ZBTB7C: variants seen among roughly 807,000 people sequenced by gnomAD.
The protein encoded by ZBTB7C is zinc finger and BTB domain-containing protein 7C.
A neutral mutation model predicts 25.7 loss-of-function variants in ZBTB7C; 8 were observed. The ratio of observed to expected loss-of-function variants is 0.31; its 90% CI spans 0.18 to 0.56. The LOEUF (loss-of-function observed/expected upper bound fraction) is 0.56. ZBTB7C is among the 20% of genes least tolerant of loss of function. The probability of loss-of-function intolerance (pLI) is 0.91; values close to 1 mark genes in which losing one functional copy is unlikely to be tolerated. For missense variants in ZBTB7C, 824 were observed against 855.2 expected, an observed-to-expected ratio of 0.96 and a Z score of 0.46; for synonymous variants, 394 against 369.0, an observed-to-expected ratio of 1.07 and a Z score of -0.78.
At chr18:48,298,091 C>T (rs180735293) in intron 2 of ZBTB7C, among the ~76,000 whole-genome samples, 1 of 152,164 alleles carries the variant, frequency 6.6e-6, no homozygotes, top group East Asian at 1.9e-4. Context: ...CCAGCCTGGC[C>T]AGCATGGTGA....
intron 3 of ZBTB7C, among the ~76,000 whole-genome samples, chr18:48,056,144 T>C (rs1458863125): frequency 6.6e-6 from 1 of 152,116 alleles, no homozygotes; most frequent in Non-Finnish European, 1.5e-5. Flanking sequence ...GCAACAAAAA[T>C]AGAAACAACA....
intron 2 of ZBTB7C, among the ~76,000 whole-genome samples, chr18:48,249,864 G>A (rs1439385886): frequency 3.9e-5 from 6 of 152,088 alleles, no homozygotes; most frequent in East Asian, 3.9e-4. Context: ...GAAATATGTC[G>A]AACAAAGGAG....
chr18:48,358,665 G>A (rs8097442), intron 1 of ZBTB7C, among the ~76,000 whole-genome samples: 37,444 of 152,150 alleles, frequency 0.25, 4,933 homozygotes, highest in Non-Finnish European at 0.28. Flanking sequence ...GGGCCATGCT[G>A]CAGTAACAAC....
chr18:48,054,180 G>A (rs1211246547), intron 3 of ZBTB7C, among the ~76,000 whole-genome samples: 1 of 152,166 alleles, frequency 6.6e-6, no homozygotes, highest in Non-Finnish European at 1.5e-5. Flanking sequence ...GAATCCTTCC[G>A]CGAAGGAAAT....
intron 3 of ZBTB7C, among the ~76,000 whole-genome samples, chr18:48,066,870 G>A (rs1251196569): frequency 6.6e-6 from 1 of 152,228 alleles, no homozygotes; most frequent in African/African-American, 2.4e-5. Flanking sequence ...GGGAGGCCAA[G>A]GCGGGCGGAT....
intron 3 of ZBTB7C, among the ~76,000 whole-genome samples, chr18:48,146,339 A>T (rs1331617204): frequency 6.6e-6 from 1 of 152,230 alleles, no homozygotes; most frequent in Non-Finnish European, 1.5e-5. Context: ...TAAGCAATAG[A>T]TATTAATTAC....
chr18:48,286,447 G>A (rs2045057136), intron 2 of ZBTB7C, among the ~76,000 whole-genome samples: 1 of 152,104 alleles, frequency 6.6e-6, no homozygotes, highest in Non-Finnish European at 1.5e-5. Flanking sequence ...CCACTCATAA[G>A]GATATCAATG....
chr18:48,167,056 G>A (rs28654254), intron 3 of ZBTB7C, among the ~76,000 whole-genome samples: 1,740 of 152,252 alleles, frequency 0.011, 37 homozygotes, highest in African/African-American at 0.04. Context: ...TTCTACCCAA[G>A]CTGTCTGTGC....
At chr18:48,096,939 C>T (rs897851305) in intron 3 of ZBTB7C, among the ~76,000 whole-genome samples, 1 of 152,230 alleles carries the variant, frequency 6.6e-6, no homozygotes, top group Non-Finnish European at 1.5e-5. Flanking sequence ...GCTCCTGGCA[C>T]CATCATCACC....
At chr18:48,100,949 G>A (rs564799417) in intron 3 of ZBTB7C, among the ~76,000 whole-genome samples, 6 of 152,190 alleles carry the variant, frequency 3.9e-5, no homozygotes, top group Admixed American at 6.5e-5. Flanking sequence ...AGTGGGGAAC[G>A]GGGAAGGCAG....
chr18:48,261,111 G>A (rs1408436049), intron 2 of ZBTB7C, among the ~76,000 whole-genome samples: 1 of 152,180 alleles, frequency 6.6e-6, no homozygotes, highest in African/African-American at 2.4e-5. Flanking sequence ...AAGAGTTCCA[G>A]GGGCAACAGC....
intron 1 of ZBTB7C, among the ~76,000 whole-genome samples, chr18:48,360,050 C>T (rs935307409): frequency 4.6e-5 from 7 of 152,214 alleles, no homozygotes; most frequent in Non-Finnish European, 1.0e-4. Context: ...AGGGAGGAAG[C>T]TCCCTGCTGT....
intron 1 of ZBTB7C, among the ~76,000 whole-genome samples, chr18:48,359,108 A>C (rs1025154666): frequency 3.9e-5 from 6 of 152,156 alleles, no homozygotes; most frequent in Non-Finnish European, 8.8e-5. Flanking sequence ...CCCGGAGTAC[A>C]TCCTGTGACC....
At position 48,155,170 on chromosome 18, in the gene ZBTB7C, G is replaced by A. The variant is rs564341653; in HGVS notation, c.-17+30764C>T. ...ACATGGGCCCCAAGGAAGTGTGCTG[G>A]GGTATGTATTCTCTGACCTCTTTTG... On this transcript the variant is annotated intron_variant, in intron 3 of 4. Transcript: ENST00000590800. Among the ~76,000 whole-genome samples, 3 of 152,220 alleles carry A rather than the reference G, an allele frequency of 2.0e-5. No individual in the cohort carries two copies. In the East Asian group the frequency reaches 5.8e-4, roughly 29 times the overall value.
At chr18:48,127,558 C>T (rs867054802) in intron 3 of ZBTB7C, among the ~76,000 whole-genome samples, 7 of 152,228 alleles carry the variant, frequency 4.6e-5, no homozygotes, top group African/African-American at 1.7e-4. Context: ...GATGAGGCAT[C>T]GCCTTCGATG....
intron 1 of ZBTB7C, among the ~76,000 whole-genome samples, chr18:48,384,274 G>T (rs1276782250): frequency 2.0e-5 from 3 of 152,230 alleles, no homozygotes; most frequent in Non-Finnish European, 4.4e-5. Flanking sequence ...TCAGTCTTCT[G>T]AAGTGTACTT....
In ZBTB7C at chr18:48,210,711, A is replaced by G. The variant is rs143503720; in HGVS notation, c.-78-24716T>C. ...ATGGGTACGAGGTGTCTCCGGGGGT[A>G]GGGAAAATGTTCTGGAATTAGAAGA... On this transcript the variant is annotated intron_variant, in intron 2 of 4. Coordinates refer to ENST00000590800, the MANE Select transcript of ZBTB7C (RefSeq NM_001318841.2). Among the ~76,000 whole-genome samples, 165 of 151,828 alleles carry G rather than the reference A, an allele frequency of 1.1e-3. 1 individual carries two copies. Among genetic ancestry groups the G allele is most frequent in the African/African-American group, 3.7e-3 (151 of 41,090 alleles).
intron 2 of ZBTB7C, among the ~76,000 whole-genome samples, chr18:48,195,360 G>A (rs1041023943): frequency 6.6e-6 from 1 of 152,132 alleles, no homozygotes; most frequent in Non-Finnish European, 1.5e-5. Context: ...TGAATCATGG[G>A]GGCGGGTTTT....
intron 2 of ZBTB7C, among the ~76,000 whole-genome samples, chr18:48,228,923 TCC>T (rs939415023): frequency 2.0e-5 from 3 of 151,852 alleles, no homozygotes; most frequent in African/African-American, 7.3e-5. Context: ...CTCTTCTCCT[TCC>T]CTCACAAAAG....
Sources: gnomAD v4.1 joint callset for allele counts (sites outside exome capture counted in the v4.1 genomes callset) on GRCh38, gnomAD v4.1.1 for gene constraint, MANE v1.5 for transcripts, NCBI Gene and HGNC (gene_info 2026-07-23, HGNC 2026-07-21) for gene names.